The following LGSN variants were observed in gnomAD, a reference collection of about 807,000 sequenced individuals.
LGSN encodes lengsin.
In LGSN, 21 loss-of-function variants were observed where a neutral mutation model predicts 19.5. That is an observed-to-expected ratio of 1.07 (90% confidence interval 0.76 to 1.55). LGSN has a LOEUF of 1.55. Among genes scored for constraint, LGSN ranks in the 40% most tolerant of loss-of-function variants. LGSN has a pLI of 0.00. For missense variants in LGSN, 673 were observed against 608.5 expected, an observed-to-expected ratio of 1.11 and a Z score of -1.12; for synonymous variants, 257 against 215.6, an observed-to-expected ratio of 1.19 and a Z score of -1.68.
chr6:63,351,234 A>C, the LGSN span, among the ~76,000 whole-genome samples: 1 of 152,188 alleles, frequency 6.6e-6, no homozygotes, highest in Non-Finnish European at 1.5e-5. Flanking sequence ...TTGTTCTGGG[A>C]CTTCTCAAAC....
At chr6:63,296,161 T>C (rs1407624648) in intron 1 of LGSN, among the ~76,000 whole-genome samples, 1 of 152,172 alleles carries the variant, frequency 6.6e-6, no homozygotes, top group African/African-American at 2.4e-5. Flanking sequence ...TTATGATGCA[T>C]TGTTATTATT....
the LGSN span, among the ~76,000 whole-genome samples, chr6:63,357,683 G>GT: frequency 2.6e-5 from 4 of 152,026 alleles, no homozygotes; most frequent in Non-Finnish European, 5.9e-5. Context: ...GGGGTTGTTT[G>GT]TTTTTTTCTT....
the LGSN span, among the ~76,000 whole-genome samples, chr6:63,409,973 G>C: frequency 6.6e-6 from 1 of 152,124 alleles, no homozygotes; most frequent in African/African-American, 2.4e-5. Flanking sequence ...GGAGGCGGAG[G>C]TTGCAGTGAG....
At chr6:63,383,516 C>A in the LGSN span, among the ~76,000 whole-genome samples, 4 of 151,748 alleles carry the variant, frequency 2.6e-5, no homozygotes, top group Non-Finnish European at 4.4e-5. Context: ...TTGAACAGGG[C>A]GTTTTTTTAA....
the LGSN span, among the ~76,000 whole-genome samples, chr6:63,483,328 T>G: frequency 6.6e-6 from 1 of 151,960 alleles, no homozygotes; most frequent in African/African-American, 2.4e-5. Context: ...CTCTAAATAC[T>G]TCATGGATTT....
In LGSN at chr6:63,280,521, A is replaced by G. The variant is rs1201088203; in HGVS notation, c.1030T>C (p.Trp344Arg). 6.2e-7 allele frequency: 1 copy of G among 1,613,870 alleles called. No individual in the cohort carries two copies. Among genetic ancestry groups the G allele is most frequent in the Non-Finnish European group, 8.5e-7 (1 of 1,180,018 alleles). ...TEQLTITGKKWLAGLLKHSAA... is the reference protein window; with the variant it reads ...TEQLTITGKKRLAGLLKHSAA... ...GAGTGCTTCAAGAGTCCTGCCAACC[A>G]TTTTTTCCCAGTGATCGTGAGCTGC... Residue 344 changes from tryptophan to arginine, a missense_variant, in exon 4 of 4, where the codon TGG (tryptophan) becomes CGG (arginine). Transcript: ENST00000370657.
chr6:63,293,420 T>C (rs1393250866), intron 2 of LGSN, among the ~76,000 whole-genome samples: 1 of 152,252 alleles, frequency 6.6e-6, no homozygotes, highest in Non-Finnish European at 1.5e-5. Flanking sequence ...AATAGGATTT[T>C]ACTTTTAGAA....
the LGSN span, among the ~76,000 whole-genome samples, chr6:63,519,155 A>C: frequency 6.6e-6 from 1 of 152,106 alleles, no homozygotes; most frequent in African/African-American, 2.4e-5. Context: ...TAAAATACAA[A>C]AATTAGCTGG....
At chr6:63,481,568 A>G in the LGSN span, among the ~76,000 whole-genome samples, 1 of 151,462 alleles carries the variant, frequency 6.6e-6, no homozygotes, top group East Asian at 1.9e-4. Flanking sequence ...GGATGGTGTC[A>G]ATCTCCTGAC....
chr6:63,384,178 G>C, the LGSN span, among the ~76,000 whole-genome samples: 4 of 152,252 alleles, frequency 2.6e-5, no homozygotes, highest in African/African-American at 9.6e-5. Context: ...TGCTTGAAGG[G>C]CCCTGATTTC....
In LGSN at chr6:63,278,077, GA is replaced by G. The variant is rs1186120618; in HGVS notation, c.*1943del. ...GGTGACAAAGCGAGACTCCATCTCG[GA>G]AAAAAAAAAAAAATACAAGAAAAGA... On this transcript the variant is annotated 3_prime_UTR_variant, in exon 4 of 4. Transcript: ENST00000370657. 6.9e-3 allele frequency: 889 copies of G among 129,578 alleles called. 3 individuals are homozygous for G. The highest frequency in any genetic ancestry group is 0.015 in the African/African-American group (549 of 35,718). 8.0% of individuals were successfully genotyped at this position (129,578 alleles called of 1,614,324 possible).
At chr6:63,537,714 C>A in the LGSN span, among the ~76,000 whole-genome samples, 1 of 152,230 alleles carries the variant, frequency 6.6e-6, no homozygotes, top group Non-Finnish European at 1.5e-5. Flanking sequence ...AAACCATTAA[C>A]ACCCTTGTCA....
At chr6:63,479,616 T>C in the LGSN span, among the ~76,000 whole-genome samples, 2 of 152,130 alleles carry the variant, frequency 1.3e-5, no homozygotes, top group Admixed American at 1.3e-4. Flanking sequence ...GGTGGGCACC[T>C]GTAGTCCCAA....
chr6:63,401,546 T>A, the LGSN span, among the ~76,000 whole-genome samples: 2 of 152,218 alleles, frequency 1.3e-5, no homozygotes, highest in African/African-American at 4.8e-5. Flanking sequence ...TTTGAGGTTA[T>A]GTAAAAGCAA....
chr6:63,462,469 C>A, the LGSN span, among the ~76,000 whole-genome samples: 1 of 152,038 alleles, frequency 6.6e-6, no homozygotes, highest in African/African-American at 2.4e-5. Context: ...CCTATCTCTA[C>A]TAAAAATACA....
chr6:63,280,464 C>G lies in LGSN; in HGVS notation c.1087G>C (p.Val363Leu). ...TTGGAATAACGCTTTCGGCAGCTAA[C>G]AGAAGGCGCCATCAGGCAGCTGAGC... ...AALSCLMAPS[V>L]SCRKRYSKDR... The change falls in exon 4 of 4, where the codon GTT becomes CTT. Residue 363 changes from valine to leucine, a missense_variant. By Grantham distance (32) the Val-to-Leu change is conservative. Transcript: ENST00000370657. 1.9e-6 allele frequency: 3 copies of G among 1,614,140 alleles called. No homozygotes were observed. The South Asian group carries it at 3.3e-5, about 18-fold the overall frequency.
the LGSN span, among the ~76,000 whole-genome samples, chr6:63,490,629 T>A: frequency 6.6e-6 from 1 of 152,204 alleles, no homozygotes; most frequent in Admixed American, 6.5e-5. Context: ...CAGGCTGGAG[T>A]GTAGTGGTGC....
chr6:63,503,606 A>T, the LGSN span, among the ~76,000 whole-genome samples: 5 of 152,212 alleles, frequency 3.3e-5, no homozygotes, highest in Non-Finnish European at 7.3e-5. Flanking sequence ...GTAAAAGTCC[A>T]CCAGGCTGAA....
At chr6:63,546,871 G>A in the LGSN span, among the ~76,000 whole-genome samples, 5 of 152,130 alleles carry the variant, frequency 3.3e-5, no homozygotes, top group East Asian at 1.9e-4. Flanking sequence ...TAAAGTGATA[G>A]ATATGTTAAA....
Sources: gnomAD v4.1 joint callset for allele counts (sites outside exome capture counted in the v4.1 genomes callset) on GRCh38, gnomAD v4.1.1 for gene constraint, MANE v1.5 for transcripts, NCBI Gene and HGNC (gene_info 2026-07-23, HGNC 2026-07-21) for gene names.